Variants in GRID1 observed in about 807,000 individuals in gnomAD.
GRID1 encodes the protein glutamate receptor ionotropic, delta-1.
In GRID1, 28 loss-of-function variants were observed where a neutral mutation model predicts 98.0. The ratio of observed to expected loss-of-function variants is 0.29; its 90% CI spans 0.21 to 0.39. The LOEUF is 0.39. Among genes scored for constraint, GRID1 ranks in the 10% least tolerant of loss-of-function variants. GRID1 has a pLI of 1.00. For synonymous variants in GRID1, 553 were observed against 538.5 expected, an observed-to-expected ratio of 1.03 and a Z score of -0.37; for missense variants, 1,111 against 1,340.5, an observed-to-expected ratio of 0.83 and a Z score of 2.67.
rs1240849783 is a variant in GRID1 at position 85,611,273 on chromosome 10, C to T, written c.2601+2134G>A. 3.3e-5 allele frequency among the ~76,000 whole-genome samples: 5 copies of T among 152,154 alleles called. No homozygotes were observed. In the South Asian group the frequency reaches 8.3e-4, roughly 25 times the overall value. On this transcript the variant is annotated intron_variant, in intron 15 of 15. Coordinates refer to ENST00000327946, the MANE Select transcript of GRID1 (RefSeq NM_017551.3). ...TGGTCCAGGCTGAAATTGTCCAAAC[C>T]GTCACTAAACTAGGCATTGTGAAGG...
chr10:86,226,483 G>A (rs1205427907), intron 2 of GRID1, among the ~76,000 whole-genome samples: 1 of 16,394 alleles, frequency 6.1e-5, no homozygotes, highest in African/African-American at 2.4e-4. Context: ...TCCCACCCCA[G>A]CATACCCTCC....
At chr10:86,220,018 G>T (rs1334551047) in intron 2 of GRID1, among the ~76,000 whole-genome samples, 1 of 152,182 alleles carries the variant, frequency 6.6e-6, no homozygotes, top group Non-Finnish European at 1.5e-5. Context: ...GTAAAATGGG[G>T]GAAGGGCAGA....
chr10:86,004,082 T>C (rs1223276593), intron 4 of GRID1, among the ~76,000 whole-genome samples: 1 of 150,994 alleles, frequency 6.6e-6, no homozygotes, highest in Non-Finnish European at 1.5e-5. Flanking sequence ...AGGTATACTA[T>C]TTACCCTCAT....
At chr10:85,802,715 C>T (rs546753122) in intron 8 of GRID1, among the ~76,000 whole-genome samples, 48 of 149,310 alleles carry the variant, frequency 3.2e-4, no homozygotes, top group African/African-American at 1.1e-3. Context: ...AATAAATATA[C>T]AAAAAAAAAC....
chr10:85,624,016 A>AT (rs1447042472), intron 13 of GRID1, among the ~76,000 whole-genome samples: 1 of 152,082 alleles, frequency 6.6e-6, no homozygotes, highest in East Asian at 1.9e-4. Flanking sequence ...TAGATCTGCT[A>AT]TTTTTTGCCA....
chr10:85,865,473 C>T (rs1843205999), intron 6 of GRID1, among the ~76,000 whole-genome samples: 1 of 152,142 alleles, frequency 6.6e-6, no homozygotes. Context: ...TTGGTCCTCC[C>T]AGAAACTTCT....
chr10:86,133,207 G>GTGTGTA (rs1844865091), intron 4 of GRID1, among the ~76,000 whole-genome samples: 1 of 151,414 alleles, frequency 6.6e-6, no homozygotes, highest in Non-Finnish European at 1.5e-5. Context: ...ATCTGCACAG[G>GTGTGTA]TGCATGTGTT....
chr10:85,698,708 T>C (rs1841420047), intron 12 of GRID1, among the ~76,000 whole-genome samples: 1 of 152,248 alleles, frequency 6.6e-6, no homozygotes, highest in Non-Finnish European at 1.5e-5. Flanking sequence ...TATTATATGG[T>C]AACTGTATGC....
At chr10:86,268,483 T>C (rs1341782369) in intron 2 of GRID1, among the ~76,000 whole-genome samples, 3 of 152,182 alleles carry the variant, frequency 2.0e-5, no homozygotes, top group Non-Finnish European at 2.9e-5. Context: ...GGGTTGTTTG[T>C]TACCACGGGG....
intron 2 of GRID1, among the ~76,000 whole-genome samples, chr10:86,229,591 T>C (rs1475366962): frequency 6.6e-6 from 1 of 152,136 alleles, no homozygotes; most frequent in African/African-American, 2.4e-5. Context: ...TGGGTGCACT[T>C]CTGGGAGTAC....
At chr10:86,256,468 ATAAT>A (rs1353519638) in intron 2 of GRID1, among the ~76,000 whole-genome samples, 2 of 152,104 alleles carry the variant, frequency 1.3e-5, no homozygotes, top group Non-Finnish European at 2.9e-5. Flanking sequence ...CTGTCTCTAA[ATAAT>A]TAATTAATTA....
chr10:85,968,835 A>C lies in GRID1; in HGVS notation c.727-52596T>G, dbSNP rs371483595. ...AACAAACAACAAAATGGAAGGTGCT[A>C]ATCTACTTTATCAGTAATTACATTA... On this transcript the variant is annotated intron_variant, in intron 4 of 15. Transcript: ENST00000327946. Among the ~76,000 whole-genome samples the C allele has an allele frequency of 1.1e-3, 160 of 152,330 alleles. 2 individuals are homozygous for C. The highest frequency in any genetic ancestry group is 3.4e-3 in the Middle Eastern group (1 of 294).
Position 85,737,759 on chromosome 10 carries a change from T to C in GRID1, c.1234-8145A>G, listed in dbSNP as rs192290572. ...TATTATATTCATATATATACAACCA[T>C]ATATATATGTATAACCATACATATA... On this transcript the variant is annotated intron_variant, in intron 8 of 15. Transcript: ENST00000327946. Among the ~76,000 whole-genome samples the C allele has an allele frequency of 1.4e-3, 213 of 147,498 alleles. 1 individual carries two copies. The highest frequency in any genetic ancestry group is 5.0e-3 in the African/African-American group (201 of 40,380).
chr10:85,991,528 G>A (rs1273497690), intron 4 of GRID1, among the ~76,000 whole-genome samples: 1 of 151,964 alleles, frequency 6.6e-6, no homozygotes, highest in Non-Finnish European at 1.5e-5. Flanking sequence ...GCCCCTCTGG[G>A]GAGGTGGACA....
intron 2 of GRID1, among the ~76,000 whole-genome samples, chr10:86,274,013 C>G (rs1847228286): frequency 6.6e-6 from 1 of 152,072 alleles, no homozygotes; most frequent in African/African-American, 2.4e-5. Context: ...ATGGTAATGC[C>G]TAGGTTTTCT....
At chr10:85,777,913 G>A (rs957462759) in intron 8 of GRID1, among the ~76,000 whole-genome samples, 3 of 152,074 alleles carry the variant, frequency 2.0e-5, no homozygotes, top group African/African-American at 7.2e-5. Context: ...AAAACTAGGG[G>A]GATGATATTG....
intron 12 of GRID1, among the ~76,000 whole-genome samples, chr10:85,705,247 A>G (rs980441988): frequency 1.3e-5 from 2 of 152,214 alleles, no homozygotes; most frequent in Non-Finnish European, 2.9e-5. Context: ...AAGAAAAGAG[A>G]GAAGAATCAA....
chr10:85,678,691 A>G (rs886705659), intron 12 of GRID1, among the ~76,000 whole-genome samples: 1 of 152,156 alleles, frequency 6.6e-6, no homozygotes, highest in African/African-American at 2.4e-5. Flanking sequence ...TAAAGACATG[A>G]TAAGGTCCAC....
chr10:85,742,001 C>T (rs1841948618), intron 8 of GRID1, among the ~76,000 whole-genome samples: 1 of 152,156 alleles, frequency 6.6e-6, no homozygotes, highest in South Asian at 2.1e-4. Context: ...TTGATAAAGG[C>T]CTTCTCAGGT....
Sources: gnomAD v4.1 joint callset for allele counts (sites outside exome capture counted in the v4.1 genomes callset) on GRCh38, gnomAD v4.1.1 for gene constraint, MANE v1.5 for transcripts, NCBI Gene and HGNC (gene_info 2026-07-23, HGNC 2026-07-21) for gene names.